The following CCNY variants were observed in gnomAD, a reference collection of about 807,000 sequenced individuals.
CCNY encodes cyclin Y.
Under a neutral mutation model 42.8 loss-of-function variants are expected in CCNY, and 19 were observed. That is an observed-to-expected ratio of 0.44 (90% CI 0.31 to 0.65). The LOEUF (loss-of-function observed/expected upper bound fraction) is 0.65. Ranked by LOEUF, CCNY falls within the 30% of genes least tolerant of loss-of-function variation. CCNY has a pLI of 0.07. For missense variants in CCNY, 370 were observed against 437.3 expected, an observed-to-expected ratio of 0.85 and a Z score of 1.37; for synonymous variants, 165 against 162.7, an observed-to-expected ratio of 1.01 and a Z score of -0.11.
chr10:35,440,916 C>T (rs1043681159), intron 1 of CCNY, among the ~76,000 whole-genome samples: 16 of 152,142 alleles, frequency 1.1e-4, no homozygotes. Context: ...CATCTCTTTT[C>T]ACACATCATT....
intron 1 of CCNY, among the ~76,000 whole-genome samples, chr10:35,463,415 C>G (rs1839196138): frequency 6.6e-6 from 1 of 152,094 alleles, no homozygotes. Flanking sequence ...TCAGGTGATC[C>G]AGAGTATATG....
At chr10:35,563,685 C>T (rs1435941904) in intron 8 of CCNY, among the ~76,000 whole-genome samples, 1 of 152,078 alleles carries the variant, frequency 6.6e-6, no homozygotes, top group East Asian at 1.9e-4. Flanking sequence ...TAAAAATTAT[C>T]CCAAATCAAA....
At chr10:35,290,754 GAGTTCGAA>G (rs1835404285) in intron 3 of CCNY, among the ~76,000 whole-genome samples, 1 of 151,872 alleles carries the variant, frequency 6.6e-6, no homozygotes. Context: ...TTGAGGTCAG[GAGTTCGAA>G]ACCAGCATGG....
At chr10:35,390,089 C>G (rs1837382422) in intron 1 of CCNY, among the ~76,000 whole-genome samples, 1 of 152,188 alleles carries the variant, frequency 6.6e-6, no homozygotes, top group Non-Finnish European at 1.5e-5. Context: ...AATGTGAGAA[C>G]TATCAGATTA....
At chr10:35,307,182 G>A (rs1411650510) in intron 3 of CCNY, among the ~76,000 whole-genome samples, 2 of 152,178 alleles carry the variant, frequency 1.3e-5, no homozygotes, top group East Asian at 1.9e-4. Flanking sequence ...ATCAGGCTGT[G>A]GTGCGGGTTA....
intron 3 of CCNY, among the ~76,000 whole-genome samples, chr10:35,293,849 G>A (rs1835442461): frequency 1.3e-5 from 2 of 149,388 alleles, no homozygotes; most frequent in South Asian, 4.2e-4. Flanking sequence ...GGAGTGCAGT[G>A]GCATGATCTC....
intron 3 of CCNY, among the ~76,000 whole-genome samples, chr10:35,326,674 C>G (rs1046400953): frequency 6.6e-6 from 1 of 151,838 alleles, no homozygotes; most frequent in Non-Finnish European, 1.5e-5. Context: ...TTGCTTGAGC[C>G]TAGGAGTTTG....
Position 35,402,296 on chromosome 10 carries a change from C to T in CCNY, c.154+65089C>T, listed in dbSNP as rs531452261. 1.9e-3 allele frequency among the ~76,000 whole-genome samples: 289 copies of T among 152,076 alleles called. 2 individuals carry two copies. Among genetic ancestry groups the T allele is most frequent in the African/African-American group, 6.6e-3 (272 of 41,474 alleles). On this transcript the variant is annotated intron_variant, in intron 1 of 9. Coordinates refer to ENST00000374704, the MANE Select transcript of CCNY (RefSeq NM_145012.6). ...GTTTTTTATGAATTGAAAAACTAAA[C>T]GGAAGACACAAGGTCCGAATAAAAG... is the stretch of plus-strand genomic sequence containing the variant.
upstream of CCNY, among the ~76,000 whole-genome samples, chr10:35,334,927 G>C (rs1159718621): frequency 6.6e-6 from 1 of 152,108 alleles, no homozygotes; most frequent in East Asian, 1.9e-4. Context: ...TCACGAACAG[G>C]TACTGAGGTC....
intron 4 of CCNY, among the ~76,000 whole-genome samples, chr10:35,519,776 CTTTTTTTTTTTTTTT>C (rs1177122335): frequency 1.1e-4 from 8 of 74,660 alleles, no homozygotes; most frequent in Admixed American, 5.7e-4. Context: ...CTTTTCTTTT[CTTTTTTTTTTTTTTT>C]TTTTTTTTTT....
At chr10:35,270,731 T>TC (rs1228617961) in intron 3 of CCNY, among the ~76,000 whole-genome samples, 2 of 147,324 alleles carry the variant, frequency 1.4e-5, no homozygotes. Context: ...TTTTTTTCTT[T>TC]TTTTTTTTTT....
intron 8 of CCNY, 24 bp downstream of exon 8, chr10:35,553,209 T>A: frequency 6.2e-7 from 1 of 1,611,126 alleles, no homozygotes; most frequent in Non-Finnish European, 8.5e-7. Context: ...CAGAGGGTGT[T>A]GGTCATCAGA....
At chr10:35,284,015 T>TG (rs1490504789) in intron 3 of CCNY, among the ~76,000 whole-genome samples, 1 of 151,874 alleles carries the variant, frequency 6.6e-6, no homozygotes, top group African/African-American at 2.4e-5. Context: ...ACCCGGGAGA[T>TG]GGGGGCTGCA....
At position 35,419,533 on chromosome 10, in the gene CCNY, C is replaced by CTTTTTTTTTT. The variant is rs34429228; in HGVS notation, c.155-63865_155-63856dup. Among the ~76,000 whole-genome samples the CTTTTTTTTTT allele has an allele frequency of 6.1e-4, 79 of 129,678 alleles. 1 individual carries two copies. The highest frequency in any genetic ancestry group is 4.0e-3 in the Middle Eastern group (1 of 252). 85.1% of individuals were successfully genotyped at this position (129,678 alleles called of 152,430 possible). ...AGGACTGGGTTGCATTAGACCGTTC[C>CTTTTTTTTTT]TTTTTTTTTTTTTTTAGCAATCTGG... is the stretch of plus-strand genomic sequence containing the variant. On this transcript the variant is annotated intron_variant, in intron 1 of 9. Transcript: ENST00000374704.
chr10:35,491,530 G>A (rs1178631641), intron 2 of CCNY, among the ~76,000 whole-genome samples: 3 of 152,194 alleles, frequency 2.0e-5, no homozygotes, highest in East Asian at 3.8e-4. Context: ...TCTGGAAATC[G>A]TACATGCTCC....
At chr10:35,418,765 G>A (rs965430069) in intron 1 of CCNY, among the ~76,000 whole-genome samples, 1 of 152,078 alleles carries the variant, frequency 6.6e-6, no homozygotes, top group Non-Finnish European at 1.5e-5. Context: ...CATGTGAGGT[G>A]TGATGTAGGC....
chr10:35,397,502 T>G (rs1337076111), intron 1 of CCNY, among the ~76,000 whole-genome samples: 1 of 152,218 alleles, frequency 6.6e-6, no homozygotes, highest in African/African-American at 2.4e-5. Context: ...CTGATGGGGA[T>G]ACCATTTCCC....
At chr10:35,299,462 A>G (rs1835508354) in intron 3 of CCNY, among the ~76,000 whole-genome samples, 1 of 152,182 alleles carries the variant, frequency 6.6e-6, no homozygotes, top group Non-Finnish European at 1.5e-5. Flanking sequence ...GGGTGCATTC[A>G]CATTTAGGAA....
intron 2 of CCNY, among the ~76,000 whole-genome samples, chr10:35,491,571 G>A (rs902910782): frequency 2.0e-5 from 3 of 152,166 alleles, no homozygotes; most frequent in African/African-American, 4.8e-5. Context: ...TCAGAAGTCA[G>A]CGTCTTTCCT....
Sources: allele counts gnomAD v4.1 joint callset (sites outside exome capture counted in the v4.1 genomes callset), GRCh38; gene constraint gnomAD v4.1.1; transcripts MANE v1.5; gene names NCBI Gene and HGNC (gene_info 2026-07-23, HGNC 2026-07-21).